Variants in POLA1 observed in about 807,000 individuals in gnomAD.
POLA1 encodes DNA polymerase alpha 1, catalytic subunit.
A neutral mutation model predicts 124.0 loss-of-function variants in POLA1; 15 were observed. The ratio of observed to expected loss-of-function variants is 0.12; its 90% confidence interval spans 0.08 to 0.19. The LOEUF is 0.19. Ranked by LOEUF, POLA1 falls within the 10% of genes least tolerant of loss-of-function variation. POLA1 has a pLI of 1.00. For missense variants in POLA1, 886 were observed against 1,103.4 expected, an observed-to-expected ratio of 0.80 and a Z score of 2.79; for synonymous variants, 408 against 389.4, an observed-to-expected ratio of 1.05 and a Z score of -0.56.
intron 34 of POLA1, among the ~76,000 whole-genome samples, chrX:24,847,814 T>A (rs2046496124): frequency 8.9e-6 from 1 of 112,400 alleles, no homozygotes; most frequent in Admixed American, 9.5e-5. Flanking sequence ...ATTTTGCTGT[T>A]TTTTCCTTAA....
At position 24,748,423 on chromosome X, in the gene POLA1, T is replaced by C; in HGVS notation, c.2804T>C (p.Met935Thr). The C allele has an allele frequency of 8.3e-7, 1 of 1,203,893 alleles. No individual in the cohort carries two copies. The highest frequency in any genetic ancestry group is 1.1e-6 in the Non-Finnish European group (1 of 888,970). ...VERRKQVKQLMKQQDLNPDLI... is the reference protein window; with the variant it reads ...VERRKQVKQLTKQQDLNPDLI... ...CGGAGAAAACAAGTCAAACAGCTAA[T>C]GAAACAGCAAGACTTAAATCCAGAC... is the stretch of plus-strand genomic sequence containing the variant. Residue 935 changes from methionine (M) to threonine (T), a missense_variant, in exon 25 of 37, where the codon ATG (methionine) becomes ACG (threonine). This residue lies in a region of POLA1 where 182 missense variants were observed against 252.8 expected (regional missense o/e 0.72). Coordinates refer to ENST00000379068, the MANE Select transcript of POLA1 (RefSeq NM_001330360.2).
intron 35 of POLA1, among the ~76,000 whole-genome samples, chrX:24,923,610 C>T (rs948296064): frequency 1.8e-5 from 2 of 112,187 alleles, no homozygotes; most frequent in African/African-American, 6.5e-5. Context: ...TGATAATGTG[C>T]ACCACCATTC....
At chrX:24,859,187 T>C (rs765602827) in intron 34 of POLA1, among the ~76,000 whole-genome samples, 11 of 111,797 alleles carry the variant, frequency 9.8e-5, no homozygotes, top group Non-Finnish European at 1.9e-4. Context: ...CTCTATATCA[T>C]TTCCAGGATT....
intron 35 of POLA1, among the ~76,000 whole-genome samples, chrX:24,928,186 C>T (rs1392632271): frequency 9.0e-6 from 1 of 111,088 alleles, no homozygotes; most frequent in East Asian, 2.8e-4. Context: ...TTAATTTTTT[C>T]CCCTATTTTC....
intron 34 of POLA1, among the ~76,000 whole-genome samples, chrX:24,844,688 AAAGC>A (rs2046453949): frequency 8.9e-6 from 1 of 112,091 alleles, no homozygotes; most frequent in African/African-American, 3.2e-5. Flanking sequence ...ATTTATCAGA[AAAGC>A]AAGTCAGTTT....
At chrX:24,909,815 A>C (rs1433125608) in intron 35 of POLA1, among the ~76,000 whole-genome samples, 1 of 109,829 alleles carries the variant, frequency 9.1e-6, no homozygotes, top group East Asian at 2.9e-4. Flanking sequence ...GAATCTATAA[A>C]TTACCTTGGG....
rs749014085 is a variant in POLA1, at chrX:24,786,055, A to G, written c.2965-23843A>G. Among the ~76,000 whole-genome samples, 10 of 112,518 alleles carry G rather than the reference A, an allele frequency of 8.9e-5. No homozygotes were observed. In the East Asian group the frequency reaches 2.8e-3, roughly 31 times the overall value. On this transcript the variant is annotated intron_variant, in intron 26 of 36. Transcript: ENST00000379068. ...AGGATTTCCTTTTTTATGGCCAAAT[A>G]ATATATTCCATTTTGTATGTGTGTA...
Position 24,717,461 on chromosome X carries a change from C to T in POLA1, c.878C>T (p.Ala293Val), listed in dbSNP as rs759860811. ...SEPAEEVKQEADSGKGTVSYL... is the reference protein window; with the variant it reads ...SEPAEEVKQEVDSGKGTVSYL... ...CCAGCAGAGGAAGTGAAACAAGAGG[C>T]GGATTCTGGGAAAGGGACCGTGTCC... The change falls in exon 9 of 37, where the codon GCG (alanine) becomes GTG (valine). Residue 293 changes from alanine to valine, a missense_variant. Ala to Val is a moderately conservative substitution (Grantham distance 64). Transcript: ENST00000379068. 4.1e-6 allele frequency: 5 copies of T among 1,209,323 alleles called. No homozygotes were observed. Among genetic ancestry groups the T allele is most frequent in the South Asian group, 3.5e-5 (2 of 56,823 alleles).
intron 36 of POLA1, among the ~76,000 whole-genome samples, chrX:24,974,685 G>A (rs1449159317): frequency 1.8e-5 from 2 of 111,230 alleles, no homozygotes; most frequent in Non-Finnish European, 3.8e-5. Context: ...GAGAGCATTA[G>A]GACAAGTATC....
In POLA1 at chrX:24,936,935, C is replaced by G. The variant is rs974298182; in HGVS notation, c.4261+6386C>G. Among the ~76,000 whole-genome samples the G allele has an allele frequency of 5.3e-5, 6 of 112,229 alleles. No homozygotes were observed. The East Asian group carries it at 1.4e-3, about 26-fold the overall frequency. ...AAAGCACACACAAAACAGTTCGCAT[C>G]TATTCATTCTTCTTAAAATTATATT... On this transcript the variant is annotated intron_variant, in intron 36 of 36. Transcript: ENST00000379068.
At chrX:24,865,185 G>C (rs1203260473) in intron 34 of POLA1, among the ~76,000 whole-genome samples, 3 of 112,088 alleles carry the variant, frequency 2.7e-5, no homozygotes, top group Non-Finnish European at 3.8e-5. Flanking sequence ...TTACTAGAAA[G>C]TTCAAAAAAC....
chrX:24,769,720 T>G (rs1194729465), intron 26 of POLA1, among the ~76,000 whole-genome samples: 1 of 111,436 alleles, frequency 9.0e-6, no homozygotes, highest in African/African-American at 3.3e-5. Context: ...TGAAGTGCAC[T>G]GATGTGACCT....
At chrX:24,731,079 G>A (rs1288555150) in intron 15 of POLA1, among the ~76,000 whole-genome samples, 2 of 112,311 alleles carry the variant, frequency 1.8e-5, no homozygotes, top group African/African-American at 6.5e-5. Context: ...GTAGAGATGA[G>A]CAGACATTAT....
At chrX:24,939,802 A>G (rs572347876) in intron 36 of POLA1, among the ~76,000 whole-genome samples, 3 of 111,685 alleles carry the variant, frequency 2.7e-5, no homozygotes, top group East Asian at 5.6e-4. Context: ...GGAGTGTGGT[A>G]AGAATAATAT....
chrX:24,885,512 T>C (rs1346329360), intron 34 of POLA1, among the ~76,000 whole-genome samples: 2 of 111,237 alleles, frequency 1.8e-5, no homozygotes, highest in East Asian at 5.6e-4. Context: ...CGAAGTATCT[T>C]GTTTCTCTCT....
chrX:24,995,411 C>G (rs755327079), intron 36 of POLA1, among the ~76,000 whole-genome samples: 1 of 112,299 alleles, frequency 8.9e-6, no homozygotes, highest in South Asian at 3.7e-4. Context: ...GAGGCCATAG[C>G]TCCCTTTGAG....
intron 26 of POLA1, among the ~76,000 whole-genome samples, chrX:24,778,069 T>G (rs2045176970): frequency 8.9e-6 from 1 of 112,424 alleles, no homozygotes; most frequent in Admixed American, 9.4e-5. Context: ...GATGGGATTA[T>G]TTAAAGAGCA....
At chrX:24,831,429 A>AT (rs373815241) in intron 32 of POLA1, among the ~76,000 whole-genome samples, 87 of 108,673 alleles carry the variant, frequency 8.0e-4, no homozygotes, top group African/African-American at 1.8e-3. Flanking sequence ...TTTATTTTTT[A>AT]TTTTTTTTTG....
intron 34 of POLA1, among the ~76,000 whole-genome samples, chrX:24,845,400 T>C (rs1055100085): frequency 1.8e-5 from 2 of 112,027 alleles, no homozygotes; most frequent in Non-Finnish European, 3.8e-5. Flanking sequence ...TAGGAACTTA[T>C]TTCTCTACTT....
Sources: allele counts gnomAD v4.1 joint callset (sites outside exome capture counted in the v4.1 genomes callset), GRCh38; gene constraint gnomAD v4.1.1; regional missense constraint gnomAD v4.1.1; transcripts MANE v1.5; gene names NCBI Gene and HGNC (gene_info 2026-07-23, HGNC 2026-07-21).